The following SPTLC1 variants were observed in gnomAD, a reference collection of about 807,000 sequenced individuals.
SPTLC1 encodes serine palmitoyltransferase long chain base subunit 1.
A neutral mutation model predicts 68.9 loss-of-function variants in SPTLC1; 55 were observed. The ratio of observed to expected loss-of-function variants is 0.80; its 90% CI spans 0.64 to 1.00. The LOEUF (loss-of-function observed/expected upper bound fraction) is 1.00, where lower values mean the gene tolerates loss of function less well. SPTLC1 is among the 50% of genes least tolerant of loss of function. The pLI is 0.00. For synonymous variants in SPTLC1, 197 were observed against 201.6 expected, an observed-to-expected ratio of 0.98 and a Z score of 0.19; for missense variants, 449 against 573.1, an observed-to-expected ratio of 0.78 and a Z score of 2.21.
Position 92,115,409 on chromosome 9 carries a change from G to C in SPTLC1, c.-39C>G. On this transcript the variant is annotated 5_prime_UTR_variant, in exon 1 of 15. Coordinates refer to ENST00000262554, the MANE Select transcript of SPTLC1 (RefSeq NM_006415.4). ...CTTCCGGAAGGCGGGTCACAAGCGC[G>C]TCCCAAAAGTGCGCGTCGCTGCTCA... The C allele has an allele frequency of 1.9e-6, 3 of 1,603,982 alleles. No homozygotes were observed. The highest frequency in any genetic ancestry group is 2.6e-6 in the Non-Finnish European group (3 of 1,171,662).
At chr9:92,083,547 T>C (rs905725881) in intron 3 of SPTLC1, among the ~76,000 whole-genome samples, 1 of 152,222 alleles carries the variant, frequency 6.6e-6, no homozygotes, top group Non-Finnish European at 1.5e-5. Context: ...GATCAGATAG[T>C]TGTAGATATG....
rs1451420879 is a variant in SPTLC1, at chr9:92,082,494, G to GT, written c.261-1532dup. Among the ~76,000 whole-genome samples the GT allele has an allele frequency of 1.7e-4, 25 of 148,274 alleles. 1 individual carries two copies. The highest frequency in any genetic ancestry group is 1.9e-4 in the Non-Finnish European group (13 of 67,362). ...TATGAGTGAGAACATGCGGTGTTTG[G>GT]TTTTTTGTCCTTGCGATAGTTTACT... On this transcript the variant is annotated intron_variant, in intron 3 of 14. Coordinates refer to ENST00000262554, the MANE Select transcript of SPTLC1 (RefSeq NM_006415.4).
At chr9:92,079,973 T>C (rs376484018) in intron 5 of SPTLC1, 43 bp downstream of exon 5, 1 of 1,523,972 alleles carries the variant, frequency 6.6e-7, no homozygotes. Flanking sequence ...GAATCTTAAC[T>C]ATTGAAAGCA....
At chr9:92,035,302 C>T (rs561457393) in intron 13 of SPTLC1, among the ~76,000 whole-genome samples, 1 of 152,318 alleles carries the variant, frequency 6.6e-6, no homozygotes, top group East Asian at 1.9e-4. Context: ...ATGACCACCA[C>T]CACCAGTAGA....
chr9:92,045,519 T>C (rs1833479204), intron 12 of SPTLC1, among the ~76,000 whole-genome samples: 1 of 99,410 alleles, frequency 1.0e-5, no homozygotes, highest in South Asian at 2.8e-4. Context: ...GTGACTCTTG[T>C]GTAGTAAAAA....
chr9:92,079,180 A>C, intron 5 of SPTLC1: 1 of 369,600 alleles, frequency 2.7e-6, no homozygotes, highest in South Asian at 5.1e-5. Flanking sequence ...GGTTGAAGCA[A>C]TTCTCCCACC....
At chr9:92,084,055 T>C (rs1435446012) in intron 3 of SPTLC1, among the ~76,000 whole-genome samples, 1 of 151,994 alleles carries the variant, frequency 6.6e-6, no homozygotes, top group Non-Finnish European at 1.5e-5. Flanking sequence ...CTGTTATTGG[T>C]GTATAAGAAT....
intron 6 of SPTLC1, among the ~76,000 whole-genome samples, chr9:92,062,762 G>A (rs1207508526): frequency 2.0e-5 from 3 of 152,104 alleles, no homozygotes; most frequent in Non-Finnish European, 4.4e-5. Context: ...ATTGAGCCCA[G>A]GAGTTCAAGG....
At chr9:92,105,408 G>A in intron 3 of SPTLC1, 1 of 1,482,668 alleles carries the variant, frequency 6.7e-7, no homozygotes, top group South Asian at 1.2e-5. Context: ...CTTAGGAGGA[G>A]AAAGAAGAGA....
At chr9:92,084,920 C>T (rs1246344063) in intron 3 of SPTLC1, among the ~76,000 whole-genome samples, 2 of 152,214 alleles carry the variant, frequency 1.3e-5, no homozygotes, top group East Asian at 1.9e-4. Context: ...AATTTCAGAG[C>T]TTGTTATTGG....
chr9:92,044,242 AGAG>A (rs779897001), intron 12 of SPTLC1, among the ~76,000 whole-genome samples: 35 of 152,342 alleles, frequency 2.3e-4, no homozygotes, highest in Non-Finnish European at 3.5e-4. Flanking sequence ...TGAGAAGAAA[AGAG>A]AAGCACAGAC....
chr9:92,035,577 T>C (rs1833114490), intron 13 of SPTLC1, among the ~76,000 whole-genome samples: 2 of 152,138 alleles, frequency 1.3e-5, no homozygotes, highest in Admixed American at 1.3e-4. Context: ...AATGAGATAG[T>C]AATGGTTGCA....
At chr9:92,061,380 C>T (rs1448606998) in intron 6 of SPTLC1, among the ~76,000 whole-genome samples, 1 of 152,260 alleles carries the variant, frequency 6.6e-6, no homozygotes, top group East Asian at 1.9e-4. Context: ...TAACTGTCAA[C>T]CCAGAATCCT....
chr9:92,098,300 G>T (rs1199711452), intron 3 of SPTLC1, among the ~76,000 whole-genome samples: 2 of 145,738 alleles, frequency 1.4e-5, no homozygotes, highest in African/African-American at 5.1e-5. Flanking sequence ...AACCTATCCC[G>T]CCCCTACCCC....
At chr9:92,069,048 G>C (rs923369907) in intron 5 of SPTLC1, among the ~76,000 whole-genome samples, 9 of 152,144 alleles carry the variant, frequency 5.9e-5, no homozygotes, top group African/African-American at 1.9e-4. Flanking sequence ...GGCCCCTCCA[G>C]TCTTAGAGCG....
intron 3 of SPTLC1, among the ~76,000 whole-genome samples, chr9:92,085,194 T>C (rs1332633057): frequency 1.3e-5 from 2 of 151,172 alleles, no homozygotes; most frequent in Non-Finnish European, 2.9e-5. Flanking sequence ...AAAAACCAGC[T>C]CCTGGATTCA....
intron 3 of SPTLC1, among the ~76,000 whole-genome samples, chr9:92,107,482 G>A (rs1836040501): frequency 6.6e-6 from 1 of 152,254 alleles, no homozygotes; most frequent in Admixed American, 6.5e-5. Context: ...GCCAGGTGCG[G>A]CGGCTCACGC....
intron 5 of SPTLC1, chr9:92,079,264 C>T (rs985687716): frequency 1.5e-5 from 9 of 602,128 alleles, no homozygotes; most frequent in African/African-American, 3.8e-5. Context: ...TTAGTAGAGA[C>T]GAGGTTTCAG....
rs1354677385 is a variant in SPTLC1 at position 92,104,684 on chromosome 9, G to A, written c.260+4056C>T. The A allele has an allele frequency of 4.6e-6, 7 of 1,527,524 alleles. No individual in the cohort carries two copies. The Admixed American group carries it at 9.8e-5, about 21-fold the overall frequency. 94.6% of individuals were successfully genotyped at this position (1,527,524 alleles called of 1,614,324 possible). On this transcript the variant is annotated intron_variant, in intron 3 of 14. Transcript: ENST00000262554. ...AGAAGAGCCCAAAGAAGCAACGGAG[G>A]TGAAAGACCAGGTAGAGACCCAGGG...
Sources: allele counts gnomAD v4.1 joint callset (sites outside exome capture counted in the v4.1 genomes callset), GRCh38; gene constraint gnomAD v4.1.1; transcripts MANE v1.5; gene names NCBI Gene and HGNC (gene_info 2026-07-23, HGNC 2026-07-21).